The following APBB2 variants were observed in gnomAD, a reference collection of about 807,000 sequenced individuals.
APBB2 encodes Fe65-like 1.
In APBB2, 38 loss-of-function variants were observed where a neutral mutation model predicts 82.5. The observed-to-expected ratio is 0.46, with a 90% CI of 0.36 to 0.60. The LOEUF is 0.60. APBB2 is among the 20% of genes least tolerant of loss of function. The pLI, the probability that APBB2 is intolerant of heterozygous loss-of-function variation, is 0.00. For missense variants in APBB2, 772 were observed against 972.3 expected, an observed-to-expected ratio of 0.79 and a Z score of 2.74; for synonymous variants, 341 against 368.2, an observed-to-expected ratio of 0.93 and a Z score of 0.85.
chr4:41,009,719 T>C (rs1275292198), intron 6 of APBB2, among the ~76,000 whole-genome samples: 1 of 152,218 alleles, frequency 6.6e-6, no homozygotes, highest in Non-Finnish European at 1.5e-5. Flanking sequence ...CAGACAACTA[T>C]ACCCTTTTTA....
chr4:41,159,914 AGG>A (rs1560912266), intron 1 of APBB2, among the ~76,000 whole-genome samples: 427 of 18,052 alleles, frequency 0.024, 48 homozygotes, highest in Non-Finnish European at 0.042. Context: ...GAGAAGGAGG[AGG>A]AGGAGGAGGA....
intron 3 of APBB2, among the ~76,000 whole-genome samples, chr4:41,098,084 T>A (rs1033773997): frequency 2.8e-4 from 43 of 151,692 alleles, no homozygotes; most frequent in African/African-American, 1.0e-3. Context: ...TTATGTGCAG[T>A]ACACTTCTGC....
chr4:41,046,731 C>T (rs2154452666), intron 4 of APBB2, among the ~76,000 whole-genome samples: 1 of 152,276 alleles, frequency 6.6e-6, no homozygotes, highest in African/African-American at 2.4e-5. Flanking sequence ...GAGGCTGACA[C>T]AGGTCATTTG....
intron 12 of APBB2, among the ~76,000 whole-genome samples, chr4:40,879,570 C>T (rs1767848357): frequency 6.6e-6 from 1 of 152,128 alleles, no homozygotes; most frequent in Admixed American, 6.5e-5. Context: ...TTAGTTGAGA[C>T]TCACTATGAA....
rs940690737 is a variant in APBB2, at chr4:41,202,518, C to T, written c.-417+11887G>A. Among the ~76,000 whole-genome samples, 4 of 151,996 alleles carry T rather than the reference C, an allele frequency of 2.6e-5. No individual in the cohort carries two copies. In the East Asian group the frequency reaches 5.8e-4, roughly 22 times the overall value. ...GCTTGGGAAGGAGGAAGAACGATAA[C>T]GCCAACAAAACCATCCACAATCCCA... On this transcript the variant is annotated intron_variant, in intron 1 of 17. Transcript: ENST00000508593.
At chr4:41,213,415 C>T (rs1561057004) in intron 1 of APBB2, among the ~76,000 whole-genome samples, 1 of 152,156 alleles carries the variant, frequency 6.6e-6, no homozygotes, top group African/African-American at 2.4e-5. Flanking sequence ...CCACTCAATC[C>T]ATCCAAAAAC....
rs781156920 is a variant in APBB2, at chr4:41,082,933, C to T, written c.-148-17260G>A. 3.9e-5 allele frequency among the ~76,000 whole-genome samples: 6 copies of T among 152,066 alleles called. 1 individual carries two copies. Among genetic ancestry groups the T allele is most frequent in the Admixed American group, 2.0e-4 (3 of 15,262 alleles). ...ATCCTAGCACCTTGGGAGGCCGAGGCGGGAAGATCACTTGAGGTCAGGAGA... is the reference window on the plus strand; with the variant it reads ...ATCCTAGCACCTTGGGAGGCCGAGGTGGGAAGATCACTTGAGGTCAGGAGA... On this transcript the variant is annotated intron_variant, in intron 3 of 17. Transcript: ENST00000508593.
At chr4:41,122,139 T>G (rs944604548) in intron 2 of APBB2, among the ~76,000 whole-genome samples, 1 of 152,144 alleles carries the variant, frequency 6.6e-6, no homozygotes, top group African/African-American at 2.4e-5. Context: ...TTGCCCAGGC[T>G]GGTCTCAAAC....
intron 1 of APBB2, among the ~76,000 whole-genome samples, chr4:41,161,170 C>CAA (rs33917178): frequency 1.8e-3 from 158 of 86,224 alleles, no homozygotes; most frequent in African/African-American, 2.9e-3. Context: ...TCTTCCCTGG[C>CAA]AAAAAAAAAA....
chr4:41,038,949 T>C (rs562889390), intron 4 of APBB2, among the ~76,000 whole-genome samples: 1 of 150,656 alleles, frequency 6.6e-6, no homozygotes, highest in Admixed American at 6.7e-5. Context: ...GAAAGAGGTA[T>C]GTGTTGTATT....
At chr4:40,893,488 G>A (rs765273627) in intron 10 of APBB2, 77 bp from the exon 11 acceptor site, 38 of 1,374,880 alleles carry the variant, frequency 2.8e-5, no homozygotes, top group Admixed American at 5.1e-5. Flanking sequence ...CTCCCCTCCC[G>A]CAACTAAAAG....
chr4:40,832,013 T>TACACACACACACAC lies in APBB2; in HGVS notation c.1530-1450_1530-1437dup, dbSNP rs1553930075. ...ACACATATTTATATATTTATTTATA[T>TACACACACACACAC]ACACACACACACACACACACACACA... On this transcript the variant is annotated intron_variant, in intron 12 of 17. Coordinates refer to ENST00000508593, the MANE Select transcript of APBB2 (RefSeq NM_004307.2). This position sits in a 1 kb window ranked among gnomAD's most constrained non-coding sequence, Gnocchi z 4.8. 0.016 allele frequency among the ~76,000 whole-genome samples: 2,262 copies of TACACACACACACAC among 138,868 alleles called. 29 individuals carry two copies. Among genetic ancestry groups the TACACACACACACAC allele is most frequent in the South Asian group, 0.019 (81 of 4,212 alleles). 91.1% of individuals were successfully genotyped at this position (138,868 alleles called of 152,430 possible).
Position 40,911,996 on chromosome 4 carries a change from T to G in APBB2, c.1255-18585A>C, listed in dbSNP as rs561510771. Among the ~76,000 whole-genome samples the G allele has an allele frequency of 2.6e-5, 4 of 152,324 alleles. No homozygotes were observed. In the South Asian group the frequency reaches 8.3e-4, roughly 32 times the overall value. The stretch of plus-strand genomic sequence containing the variant: ...GACATGGAACAGGCCTGCAGAAGCT[T>G]TGGAGAGTATGGTTTGGACTATTCC... On this transcript the variant is annotated intron_variant, in intron 10 of 17. Coordinates refer to ENST00000508593, the MANE Select transcript of APBB2 (RefSeq NM_004307.2).
At chr4:40,869,756 G>T (rs142666780) in intron 12 of APBB2, among the ~76,000 whole-genome samples, 3 of 152,000 alleles carry the variant, frequency 2.0e-5, no homozygotes, top group Admixed American at 2.0e-4. Flanking sequence ...TTAGATCTTT[G>T]TATTAATTTC....
rs886235950 is a variant in APBB2, at chr4:41,013,495, T to C, written c.835+88A>G. 8 of 1,283,962 alleles carry C rather than the reference T, an allele frequency of 6.2e-6. No individual in the cohort carries two copies. The African/African-American group carries it at 8.9e-5, about 14-fold the overall frequency. 79.5% of individuals were successfully genotyped at this position (1,283,962 alleles called of 1,614,324 possible). On this transcript the variant is annotated intron_variant, in intron 6 of 17. Transcript: ENST00000508593. ...CACGTTCCTCTCTGCATAATGGACATTTTTGGTCAGTCTAGAGATTTACTC... is the reference window on the plus strand; with the variant it reads ...CACGTTCCTCTCTGCATAATGGACACTTTTGGTCAGTCTAGAGATTTACTC...
chr4:41,032,807 C>T (rs1239698307), intron 5 of APBB2, among the ~76,000 whole-genome samples: 56 of 53,004 alleles, frequency 1.1e-3, no homozygotes, highest in African/African-American at 3.1e-3. Flanking sequence ...TTTTTTGAGA[C>T]GGAGTTTCGC....
chr4:40,903,991 A>G (rs1023373108), intron 10 of APBB2, among the ~76,000 whole-genome samples: 4 of 152,152 alleles, frequency 2.6e-5, no homozygotes, highest in Non-Finnish European at 4.4e-5. Flanking sequence ...CATTTGTTAC[A>G]TTTGATAGCG....
intron 12 of APBB2, among the ~76,000 whole-genome samples, chr4:40,888,049 G>A (rs568772873): frequency 6.6e-6 from 1 of 152,288 alleles, no homozygotes; most frequent in African/African-American, 2.4e-5. Flanking sequence ...CCTGCGGTCT[G>A]ACTCCTCTCC....
intron 6 of APBB2, among the ~76,000 whole-genome samples, chr4:40,990,451 C>T (rs1458702612): frequency 2.0e-5 from 3 of 152,258 alleles, no homozygotes; most frequent in South Asian, 4.2e-4. Flanking sequence ...AGATTCATCC[C>T]AAGCCAATCA....
Sources: gnomAD v4.1 joint callset for allele counts (sites outside exome capture counted in the v4.1 genomes callset) on GRCh38, gnomAD v4.1.1 for gene constraint, Gnocchi (gnomAD v3.1) non-coding constraint, MANE v1.5 for transcripts, NCBI Gene and HGNC (gene_info 2026-07-23, HGNC 2026-07-21) for gene names.